Variants in USH2A observed in about 807,000 individuals in gnomAD.
The protein encoded by USH2A is usherin, also known as Usher syndrome 2A (autosomal recessive, mild).
A neutral mutation model predicts 538.9 loss-of-function variants in USH2A; 443 were observed. The observed-to-expected ratio is 0.82, with a 90% CI of 0.76 to 0.89. The LOEUF (loss-of-function observed/expected upper bound fraction) is 0.89, where lower values mean the gene tolerates loss of function less well. USH2A is among the 40% of genes least tolerant of loss of function. USH2A has a pLI of 0.00. For missense variants in USH2A, 6,633 were observed against 6,324.8 expected, an observed-to-expected ratio of 1.05 and a Z score of -1.65; for synonymous variants, 2,413 against 2,273.5, an observed-to-expected ratio of 1.06 and a Z score of -1.75.
intron 35 of USH2A, among the ~76,000 whole-genome samples, chr1:215,989,400 GCACCT>G (rs1265384275): frequency 6.6e-6 from 1 of 152,040 alleles, no homozygotes; most frequent in African/African-American, 2.4e-5. Flanking sequence ...TGTGTACCTG[GCACCT>G]TGTGCACCTC....
At chr1:215,916,534 AG>A (rs1168881272) in intron 38 of USH2A, among the ~76,000 whole-genome samples, 1 of 152,114 alleles carries the variant, frequency 6.6e-6, no homozygotes, top group African/African-American at 2.4e-5. Context: ...TGGTAAGAAT[AG>A]ATCAGTCAAA....
intron 21 of USH2A, among the ~76,000 whole-genome samples, chr1:216,143,003 C>T (rs1219693200): frequency 6.6e-6 from 1 of 152,114 alleles, no homozygotes; most frequent in African/African-American, 2.4e-5. Context: ...CATGTGTCCC[C>T]TCTGCCTTTT....
At position 215,624,630 on chromosome 1, in the gene USH2A, CTT is replaced by C. The variant is rs1454430515; in HGVS notation, c.*1149_*1150del. ...CTTGCCATAGGACTTTCACCAATGA[CTT>C]TGTAATCCAACTAGAGCAGGTGACA... is the stretch of plus-strand genomic sequence containing the variant. On this transcript the variant is annotated 3_prime_UTR_variant, in exon 72 of 72. Coordinates refer to ENST00000307340, the MANE Select transcript of USH2A (RefSeq NM_206933.4). 6 of 152,104 alleles carry C rather than the reference CTT, an allele frequency of 3.9e-5. No individual in the cohort carries two copies. The highest frequency in any genetic ancestry group is 1.2e-4 in the African/African-American group (5 of 41,416). 9.4% of individuals were successfully genotyped at this position (152,104 alleles called of 1,614,324 possible). A position where few individuals can be genotyped will look rare whatever the true frequency, so the allele number is the denominator to read the frequency against.
rs1334695452 is a variant in USH2A at position 216,167,938 on chromosome 1, G to C, written c.4627+7314C>G. On this transcript the variant is annotated intron_variant, in intron 21 of 71. Coordinates refer to ENST00000307340, the MANE Select transcript of USH2A (RefSeq NM_206933.4). ...AGAGCACTGGAACCAAGTTTTGAAAGAGATGGCATTTTGACAATGATGTTC... is the reference window on the plus strand; with the variant it reads ...AGAGCACTGGAACCAAGTTTTGAAACAGATGGCATTTTGACAATGATGTTC... Among the ~76,000 whole-genome samples the C allele has an allele frequency of 3.9e-5, 6 of 152,100 alleles. No individual in the cohort carries two copies. In the East Asian group the frequency reaches 1.2e-3, roughly 29 times the overall value.
At chr1:216,229,959 A>AAAAAAAGTT in intron 14 of USH2A, among the ~76,000 whole-genome samples, 1 of 152,156 alleles carries the variant, frequency 6.6e-6, no homozygotes, top group East Asian at 1.9e-4. Flanking sequence ...TCACTTAAAG[A>AAAAAAAGTT]AAAAAAGTTA....
intron 22 of USH2A, among the ~76,000 whole-genome samples, chr1:216,094,061 T>C (rs965175485): frequency 6.7e-6 from 1 of 148,888 alleles, no homozygotes; most frequent in Admixed American, 6.6e-5. Context: ...CTGTGATTAG[T>C]TTTTTTTCCA....
chr1:215,706,276 A>G (rs2102694255), intron 61 of USH2A, among the ~76,000 whole-genome samples: 1 of 152,296 alleles, frequency 6.6e-6, no homozygotes, highest in East Asian at 1.9e-4. Context: ...CTATTTCTTC[A>G]TACAGATAGC....
rs754774098 is a variant in USH2A at position 215,867,062 on chromosome 1, A to C, written c.8790T>G (p.Asn2930Lys). Reference protein sequence around the residue: ...TLAGLPERGANLTASVLNHTA... With the variant: ...TLAGLPERGAKLTASVLNHTA... ...TGTGGTTAAGGACACTCGCAGTGAG[A>C]TTGGCTCCTCTCTCTGGAAGACCAG... The change falls in exon 44 of 72, where the codon AAT becomes AAG. Residue 2930 changes from asparagine (N) to lysine (K), a missense_variant. By Grantham distance (94) the Asn-to-Lys change is moderately conservative. Coordinates refer to ENST00000307340, the MANE Select transcript of USH2A (RefSeq NM_206933.4). 4.1e-5 allele frequency: 66 copies of C among 1,614,020 alleles called. 1 individual carries two copies. In the Middle Eastern group the frequency reaches 1.2e-3, roughly 28 times the overall value.
intron 64 of USH2A, among the ~76,000 whole-genome samples, chr1:215,666,617 A>G (rs1304443073): frequency 7.2e-5 from 11 of 152,216 alleles, no homozygotes; most frequent in Non-Finnish European, 1.6e-4. Context: ...ACTGGGTATC[A>G]GCACCCAGAA....
chr1:215,934,839 A>G (rs770071652), intron 37 of USH2A, 44 bp from the exon 38 acceptor site: 2 of 1,515,770 alleles, frequency 1.3e-6, no homozygotes, highest in Non-Finnish European at 1.8e-6. Context: ...ATATTTAAGA[A>G]TTCATTCCTG....
intron 62 of USH2A, among the ~76,000 whole-genome samples, chr1:215,678,904 C>G (rs2797237): frequency 0.91 from 138,773 of 152,306 alleles, 63,490 homozygotes; most frequent in East Asian, 1. Context: ...ATTATGCCAC[C>G]AAGAAGCAGA....
chr1:216,225,352 T>G (rs967729363), intron 14 of USH2A, among the ~76,000 whole-genome samples: 1 of 152,200 alleles, frequency 6.6e-6, no homozygotes, highest in Non-Finnish European at 1.5e-5. Flanking sequence ...TGTCACATTT[T>G]AAAATATCCT....
At chr1:215,788,875 T>C (rs890689365) in intron 51 of USH2A, among the ~76,000 whole-genome samples, 1 of 151,816 alleles carries the variant, frequency 6.6e-6, no homozygotes, top group African/African-American at 2.4e-5. Flanking sequence ...TACATCTATA[T>C]ACAAGAAGAT....
intron 49 of USH2A, among the ~76,000 whole-genome samples, chr1:215,811,981 G>GTTTTTTTTT (rs753767378): frequency 1.3e-5 from 1 of 78,790 alleles, no homozygotes; most frequent in African/African-American, 5.2e-5. Context: ...AACCCCTAGG[G>GTTTTTTTTT]TTTTTTTTTT....
Position 216,199,881 on chromosome 1 carries a change from C to G in USH2A, c.3557G>C (p.Cys1186Ser). The change falls in exon 17 of 72, where the codon TGT becomes TCT. Residue 1186 changes from cysteine (C) to serine (S), a missense_variant. Coordinates refer to ENST00000307340, the MANE Select transcript of USH2A (RefSeq NM_206933.4). ...SGPIEKYILS[C>S]APLAGGQPCV... ...TGGCTGACCACCAGCCAAAGGGGCA[C>G]AGGACAAAATATATTTCTCTATGGG... 4 of 1,614,102 alleles carry G rather than the reference C, an allele frequency of 2.5e-6. No homozygotes were observed. The highest frequency in any genetic ancestry group is 3.4e-6 in the Non-Finnish European group (4 of 1,180,006).
At chr1:215,629,148 T>C in intron 70 of USH2A, 113 bp from the exon 71 acceptor site, 2 of 1,109,610 alleles carry the variant, frequency 1.8e-6, no homozygotes, top group Non-Finnish European at 2.7e-6. Flanking sequence ...CTCCTGACAA[T>C]TGTCACATTG....
intron 4 of USH2A, among the ~76,000 whole-genome samples, chr1:216,356,037 A>G (rs932552229): frequency 5.9e-5 from 9 of 152,148 alleles, no homozygotes; most frequent in African/African-American, 2.2e-4. Context: ...ACATATTAGG[A>G]AATTGGATTG....
chr1:215,709,970 T>C (rs529533802), intron 61 of USH2A, among the ~76,000 whole-genome samples: 2 of 152,354 alleles, frequency 1.3e-5, no homozygotes, highest in Admixed American at 1.3e-4. Flanking sequence ...ATACAAGTGA[T>C]TGGGGCAAGG....
chr1:215,722,647 GAGTT>G, intron 61 of USH2A, among the ~76,000 whole-genome samples: 1 of 152,274 alleles, frequency 6.6e-6, no homozygotes, highest in East Asian at 1.9e-4. Context: ...CTAGAAACTA[GAGTT>G]AGTAATTCTG....
Sources: gnomAD v4.1 joint callset for allele counts (sites outside exome capture counted in the v4.1 genomes callset) on GRCh38, gnomAD v4.1.1 for gene constraint, MANE v1.5 for transcripts, NCBI Gene and HGNC (gene_info 2026-07-23, HGNC 2026-07-21) for gene names.